IL18: variants seen among roughly 807,000 people sequenced by gnomAD.
The protein encoded by IL18 is interleukin-18.
In IL18, 8 loss-of-function variants were observed where a neutral mutation model predicts 14.2. The observed-to-expected ratio is 0.56, with a 90% confidence interval of 0.33 to 1.01. The LOEUF (loss-of-function observed/expected upper bound fraction) is 1.01, where lower values mean the gene tolerates loss of function less well. Among genes scored for constraint, IL18 ranks in the 50% least tolerant of loss-of-function variants. The pLI is 0.03. For synonymous variants in IL18, 67 were observed against 71.0 expected (o/e 0.94, Z 0.28); for missense variants, 166 against 231.1 (o/e 0.72, Z 1.83).
chr11:112,163,552 G>A (rs1296688885), intron 1 of IL18, among the ~76,000 whole-genome samples: 1 of 151,788 alleles, frequency 6.6e-6, no homozygotes, highest in Admixed American at 6.6e-5. Flanking sequence ...TATTAAACCA[G>A]TTAAAACACT....
chr11:112,153,485 G>T, intron 3 of IL18, 107 bp downstream of exon 3: 1 of 634,784 alleles, frequency 1.6e-6, no homozygotes, highest in Non-Finnish European at 2.6e-6. Flanking sequence ...AGGCAGATTG[G>T]TAGCATGAGA....
intron 2 of IL18, among the ~76,000 whole-genome samples, chr11:112,154,376 A>C (rs1429163803): frequency 6.6e-6 from 1 of 152,058 alleles, no homozygotes; most frequent in African/African-American, 2.4e-5. Flanking sequence ...AATACAAAAA[A>C]TTAGCCAGGC....
intron 1 of IL18, among the ~76,000 whole-genome samples, chr11:112,162,817 TTTTG>T (rs1211502336): frequency 5.9e-5 from 9 of 152,018 alleles, no homozygotes; most frequent in Non-Finnish European, 1.3e-4. Context: ...TTGTTTGTTT[TTTTG>T]TTTGTTTTTT....
chr11:112,150,590 C>CA (rs1460787929), intron 3 of IL18: 1 of 156,958 alleles, frequency 6.4e-6, no homozygotes, highest in East Asian at 1.9e-4. Flanking sequence ...AGCTGGATCT[C>CA]AGAGTTCATT....
At chr11:112,149,360 T>C (rs1391683739) in intron 4 of IL18, among the ~76,000 whole-genome samples, 3 of 152,096 alleles carry the variant, frequency 2.0e-5, no homozygotes, top group East Asian at 2.0e-4. Context: ...TGCAACTTTT[T>C]TGAGTATTTT....
chr11:112,153,117 TC>T (rs1391953190), intron 3 of IL18: 1 of 154,168 alleles, frequency 6.5e-6, no homozygotes, highest in Non-Finnish European at 1.4e-5. Context: ...CTGAATGTGG[TC>T]TTCTTGCCCC....
Position 112,148,877 on chromosome 11 carries a change from G to A in IL18, c.227-141C>T. On this transcript the variant is annotated intron_variant, in intron 4 of 5. Transcript: ENST00000280357. ...GCCAGTCTGCAGGAGACTATGTACAGCTGGTCAGACATTTTTAAAAACACA... is the reference window on the plus strand; with the variant it reads ...GCCAGTCTGCAGGAGACTATGTACAACTGGTCAGACATTTTTAAAAACACA... The A allele has an allele frequency of 8.9e-6, 4 of 447,548 alleles. No homozygotes were observed. In the East Asian group the frequency reaches 1.4e-4, roughly 16 times the overall value. The allele number at this position is 447,548 out of a possible 1,614,324, so 27.7% of individuals were successfully genotyped here. A position where few individuals can be genotyped will look rare whatever the true frequency, so the allele number is the denominator to read the frequency against.
chr11:112,148,199 A>G (rs1277513280), intron 5 of IL18, among the ~76,000 whole-genome samples: 2 of 152,264 alleles, frequency 1.3e-5, no homozygotes, highest in African/African-American at 4.8e-5. Context: ...GTGTAGAAAT[A>G]TAGAAGGATA....
chr11:112,154,079 C>T (rs750286461), intron 2 of IL18, among the ~76,000 whole-genome samples: 6 of 151,904 alleles, frequency 3.9e-5, no homozygotes, highest in African/African-American at 9.7e-5. Context: ...CCTGCTTCAG[C>T]CTCCAAAGAA....
Position 112,143,488 on chromosome 11 carries a change from G to A in IL18, c.*108C>T, listed in dbSNP as rs200092719. On this transcript the variant is annotated 3_prime_UTR_variant, in exon 6 of 6. Coordinates refer to ENST00000280357, the MANE Select transcript of IL18 (RefSeq NM_001562.4). Reference sequence around the variant, plus strand: ...GTAGAGATGAGGTTTCACCATGTTGGTCAGGCTGGTCTTGAACACCTGACC... The same window carrying A: ...GTAGAGATGAGGTTTCACCATGTTGATCAGGCTGGTCTTGAACACCTGACC... 10 of 657,390 alleles carry A rather than the reference G, an allele frequency of 1.5e-5. No homozygotes were observed. The highest frequency in any genetic ancestry group is 7.6e-5 in the South Asian group (4 of 52,350). The allele number at this position is 657,390 out of a possible 1,614,324, so 40.7% of individuals were successfully genotyped here. A position where few individuals can be genotyped will look rare whatever the true frequency, so the allele number is the denominator to read the frequency against.
rs117039933 is a variant in IL18 at position 112,158,143 on chromosome 11, G to A, written c.-8-3082C>T. 2.9e-3 allele frequency among the ~76,000 whole-genome samples: 441 copies of A among 152,170 alleles called. 2 individuals are homozygous for A. The East Asian group carries it at 0.037, about 13-fold the overall frequency. ...ATAACAGGGGTAAGCCACTGTGCCC[G>A]GCCTAATTTTGTATTCTTTTAGTAG... On this transcript the variant is annotated intron_variant, in intron 1 of 5. Coordinates refer to ENST00000280357, the MANE Select transcript of IL18 (RefSeq NM_001562.4).
At chr11:112,150,278 AT>A in intron 3 of IL18, 72 bp from the exon 4 acceptor site, 1 of 1,057,128 alleles carries the variant, frequency 9.5e-7, no homozygotes. Context: ...TATGCTATAT[AT>A]TTTAGTTTTC....
intron 5 of IL18, 140 bp from the exon 6 acceptor site, chr11:112,143,957 C>T: frequency 1.7e-6 from 1 of 602,468 alleles, no homozygotes; most frequent in Non-Finnish European, 2.9e-6. Context: ...CTCTGAACAG[C>T]AGTACTGACC....
intron 1 of IL18, among the ~76,000 whole-genome samples, chr11:112,163,589 T>C (rs1189616485): frequency 7.1e-6 from 1 of 141,314 alleles, no homozygotes; most frequent in African/African-American, 2.5e-5. Flanking sequence ...TGTCACTCTT[T>C]ATGCTTTTTT....
Position 112,154,938 on chromosome 11 carries a change from T to C in IL18, c.79+37A>G, listed in dbSNP as rs758161059. ...CATCTTTTCTAATTGAATAGATTTA[T>C]CTGAACCTGGTATTTGTTCTATGGC... On this transcript the variant is annotated intron_variant, in intron 2 of 5. Coordinates refer to ENST00000280357, the MANE Select transcript of IL18 (RefSeq NM_001562.4). 9.3e-6 allele frequency: 12 copies of C among 1,288,286 alleles called. 1 individual carries two copies. The South Asian group carries it at 1.5e-4, about 16-fold the overall frequency. The allele number at this position is 1,288,286 out of a possible 1,614,324, so 79.8% of individuals were successfully genotyped here. A position where few individuals can be genotyped will look rare whatever the true frequency, so the allele number is the denominator to read the frequency against.
chr11:112,148,720 G>T lies in IL18; in HGVS notation c.243C>A (p.Thr81=). The change falls in exon 5 of 6, where the codon ACC becomes ACA. Residue 81 remains threonine, a synonymous_variant. Coordinates refer to ENST00000280357, the MANE Select transcript of IL18 (RefSeq NM_001562.4). ...DSDCRDNAPR[T]IFIISMYKDS... ...CTTTATACATACTTATAATAAATAT[G>T]GTCCGGGGTGCATTATCTGAAATAA... 6.9e-7 allele frequency: 1 copy of T among 1,453,798 alleles called. No homozygotes were observed. The highest frequency in any genetic ancestry group is 2.6e-5 in the East Asian group (1 of 37,920). 90.1% of individuals were successfully genotyped at this position (1,453,798 alleles called of 1,614,324 possible).
rs77280268 is a variant in IL18 at position 112,149,583 on chromosome 11, T to A, written c.226+489A>T. 2.9e-4 allele frequency among the ~76,000 whole-genome samples: 26 copies of A among 90,952 alleles called. 1 individual carries two copies. The highest frequency in any genetic ancestry group is 3.6e-4 in the African/African-American group (8 of 22,264). The allele number at this position is 90,952 out of a possible 152,430, so 59.7% of individuals were successfully genotyped here. ...GTTTTTTTTTTTTTTTTTTTTTTTT[T>A]AATTTTAGAGACAAGGTCTGTATAT... On this transcript the variant is annotated intron_variant, in intron 4 of 5. Coordinates refer to ENST00000280357, the MANE Select transcript of IL18 (RefSeq NM_001562.4).
chr11:112,145,060 G>A (rs753009884), intron 5 of IL18, among the ~76,000 whole-genome samples: 4 of 152,194 alleles, frequency 2.6e-5, no homozygotes, highest in Non-Finnish European at 5.9e-5. Context: ...TGGCAGCACA[G>A]ATTCCCATGA....
chr11:112,160,554 T>C (rs1431105641), intron 1 of IL18, among the ~76,000 whole-genome samples: 1 of 152,176 alleles, frequency 6.6e-6, no homozygotes, highest in Non-Finnish European at 1.5e-5. Context: ...CAATGAGTTG[T>C]CTTTTTTCCC....
Sources: gnomAD v4.1 joint callset for allele counts (sites outside exome capture counted in the v4.1 genomes callset) on GRCh38, gnomAD v4.1.1 for gene constraint, MANE v1.5 for transcripts, NCBI Gene and HGNC (gene_info 2026-07-23, HGNC 2026-07-21) for gene names.